DIAPH3: variants seen among roughly 807,000 people sequenced by gnomAD.
DIAPH3 encodes the protein diaphanous related formin 3.
In DIAPH3, 117 loss-of-function variants were observed where a neutral mutation model predicts 144.3. The ratio of observed to expected loss-of-function variants is 0.81; its 90% CI spans 0.70 to 0.95. The LOEUF is 0.95. DIAPH3 is among the 40% of genes least tolerant of loss of function. The pLI, the probability that DIAPH3 is intolerant of heterozygous loss-of-function variation, is 0.00. For synonymous variants in DIAPH3, 519 were observed against 488.9 expected, an observed-to-expected ratio of 1.06 and a Z score of -0.81; for missense variants, 1,421 against 1,412.7, an observed-to-expected ratio of 1.01 and a Z score of -0.09.
chr13:59,883,322 T>TAA (rs1213670009), intron 20 of DIAPH3, among the ~76,000 whole-genome samples: 2 of 152,214 alleles, frequency 1.3e-5, no homozygotes, highest in African/African-American at 4.8e-5. Context: ...TACATCAACT[T>TAA]TGTTTAACAC....
intron 2 of DIAPH3, 69 bp from the exon 3 acceptor site, chr13:60,112,255 T>C (rs1050547924): frequency 1.0e-5 from 16 of 1,582,188 alleles, no homozygotes; most frequent in African/African-American, 1.3e-5. Context: ...ATCTCAAAAA[T>C]GAGAAAAACA....
intron 20 of DIAPH3, among the ~76,000 whole-genome samples, chr13:59,899,877 G>A (rs1593893714): frequency 1.2e-5 from 1 of 86,932 alleles, no homozygotes. Flanking sequence ...CAAACTTTTT[G>A]AGAAACTCAC....
chr13:59,898,889 G>A (rs2046280959), intron 20 of DIAPH3, among the ~76,000 whole-genome samples: 1 of 152,126 alleles, frequency 6.6e-6, no homozygotes, highest in Non-Finnish European at 1.5e-5. Flanking sequence ...TTGAGTAGGT[G>A]GACTAGGAGA....
At chr13:59,844,172 A>G (rs528611559) in intron 22 of DIAPH3, among the ~76,000 whole-genome samples, 1 of 152,012 alleles carries the variant, frequency 6.6e-6, no homozygotes, top group South Asian at 2.1e-4. Context: ...TTCTATAGAC[A>G]ATTCTTGTAT....
In DIAPH3 at chr13:60,009,517, T is replaced by C. The variant is rs147799640; in HGVS notation, c.909-868A>G. Among the ~76,000 whole-genome samples, 636 of 152,288 alleles carry C rather than the reference T, an allele frequency of 4.2e-3. 2 individuals are homozygous for C. The highest frequency in any genetic ancestry group is 6.9e-3 in the Non-Finnish European group (470 of 68,030). The stretch of plus-strand genomic sequence containing the variant: ...AAAGTGGGAAGGGAAGCTCAGAAAG[T>C]ATCATATGTCCACATAAATTTCACT... On this transcript the variant is annotated intron_variant, in intron 8 of 27. Coordinates refer to ENST00000400324, the MANE Select transcript of DIAPH3 (RefSeq NM_001042517.2).
chr13:60,112,795 T>A (rs985105983), intron 2 of DIAPH3, among the ~76,000 whole-genome samples: 2 of 152,224 alleles, frequency 1.3e-5, no homozygotes, highest in African/African-American at 4.8e-5. Flanking sequence ...TAGATTTTTG[T>A]TGCAATGAAA....
chr13:59,861,664 T>C lies in DIAPH3; in HGVS notation c.2608-128A>G, dbSNP rs2043599247. 5 of 1,040,136 alleles carry C rather than the reference T, an allele frequency of 4.8e-6. 1 individual carries two copies. The South Asian group carries it at 6.4e-5, about 13-fold the overall frequency. The allele number at this position is 1,040,136 out of a possible 1,614,324, so 64.4% of individuals were successfully genotyped here. A position where few individuals can be genotyped will look rare whatever the true frequency, so the allele number is the denominator to read the frequency against. ...GTTGTAAAATTAGTTGATTTCGTTT[T>C]TGAAAAACAAATATTTAAATACTCG... is the stretch of plus-strand genomic sequence containing the variant. On this transcript the variant is annotated intron_variant, in intron 21 of 27. Coordinates refer to ENST00000400324, the MANE Select transcript of DIAPH3 (RefSeq NM_001042517.2).
At chr13:59,979,130 CAT>C (rs1213313311) in intron 14 of DIAPH3, among the ~76,000 whole-genome samples, 4 of 151,622 alleles carry the variant, frequency 2.6e-5, no homozygotes, top group Admixed American at 6.6e-5. Context: ...CTAACTAACA[CAT>C]ATAATTTCTG....
intron 22 of DIAPH3, among the ~76,000 whole-genome samples, chr13:59,845,339 G>T (rs913580968): frequency 2.0e-5 from 3 of 152,008 alleles, no homozygotes; most frequent in African/African-American, 7.2e-5. Context: ...ACCGCGCCTG[G>T]CTGACTTAAC....
intron 19 of DIAPH3, among the ~76,000 whole-genome samples, chr13:59,912,876 T>C (rs1447635741): frequency 6.6e-6 from 1 of 152,132 alleles, no homozygotes; most frequent in African/African-American, 2.4e-5. Context: ...AATAAGTTAT[T>C]GACTCACTGT....
intron 16 of DIAPH3, 62 bp downstream of exon 16, chr13:59,970,790 T>C (rs977592796): frequency 2.1e-6 from 3 of 1,453,664 alleles, no homozygotes; most frequent in African/African-American, 1.4e-5. Flanking sequence ...ATTATGTATA[T>C]ATAAATCCAA....
intron 18 of DIAPH3, among the ~76,000 whole-genome samples, chr13:59,920,434 A>G (rs2065087084): frequency 6.6e-6 from 1 of 151,826 alleles, no homozygotes; most frequent in African/African-American, 2.4e-5. Flanking sequence ...TAAACCAAAA[A>G]CTGTAAAAGG....
chr13:59,795,855 T>A (rs2139434467), intron 25 of DIAPH3, among the ~76,000 whole-genome samples: 1 of 152,302 alleles, frequency 6.6e-6, no homozygotes, highest in Non-Finnish European at 1.5e-5. Context: ...TCAATGTATT[T>A]TTCTAAGCTC....
chr13:59,779,606 G>T, intron 25 of DIAPH3, among the ~76,000 whole-genome samples: 1 of 151,666 alleles, frequency 6.6e-6, no homozygotes, highest in African/African-American at 2.4e-5. Context: ...CTGCCTCCCG[G>T]GTCCAAGCGA....
chr13:59,876,660 TA>T (rs1179917742), intron 21 of DIAPH3, among the ~76,000 whole-genome samples: 1 of 152,208 alleles, frequency 6.6e-6, no homozygotes, highest in Non-Finnish European at 1.5e-5. Flanking sequence ...CCTACCTCAT[TA>T]ATCACACCTA....
chr13:60,105,101 A>AAAAAAAAAAAC lies in DIAPH3; in HGVS notation c.390+6908_390+6909insGTTTTTTTTTT, dbSNP rs1438615593. On this transcript the variant is annotated intron_variant, in intron 3 of 27. Coordinates refer to ENST00000400324, the MANE Select transcript of DIAPH3 (RefSeq NM_001042517.2). Reference sequence around the variant, plus strand: ...GGCGACAAAGTGAGACACGATCTCAAAAAAAAAAAAAAAAAAAAAAAAAAC... The same window carrying AAAAAAAAAAAC: ...GGCGACAAAGTGAGACACGATCTCAAAAAAAAAAAACAAAAAAAAAAAAAAAAAAAAAAAAC... Among the ~76,000 whole-genome samples, 32 of 108,764 alleles carry AAAAAAAAAAAC rather than the reference A, an allele frequency of 2.9e-4. 2 individuals carry two copies. Among genetic ancestry groups the AAAAAAAAAAAC allele is most frequent in the African/African-American group, 4.0e-4 (12 of 29,708 alleles). 71.4% of individuals were successfully genotyped at this position (108,764 alleles called of 152,430 possible).
chr13:60,147,236 T>G (rs1297705919), intron 1 of DIAPH3: 2 of 152,168 alleles, frequency 1.3e-5, no homozygotes. Flanking sequence ...CTTCAACTTG[T>G]GCAAATTCCT....
intron 17 of DIAPH3, among the ~76,000 whole-genome samples, chr13:59,931,516 A>G (rs141630460): frequency 2.6e-5 from 4 of 152,240 alleles, no homozygotes; most frequent in Middle Eastern, 3.4e-3. Flanking sequence ...CATAAATTTG[A>G]TATTGTCCCT....
intron 24 of DIAPH3, among the ~76,000 whole-genome samples, chr13:59,828,559 C>T (rs1208294630): frequency 6.6e-6 from 1 of 150,444 alleles, no homozygotes; most frequent in Non-Finnish European, 1.5e-5. Context: ...GCCCTACCAA[C>T]TCTGAAGCTT....
Sources: gnomAD v4.1 joint callset for allele counts (sites outside exome capture counted in the v4.1 genomes callset) on GRCh38, gnomAD v4.1.1 for gene constraint, MANE v1.5 for transcripts, NCBI Gene and HGNC (gene_info 2026-07-23, HGNC 2026-07-21) for gene names.